The following ITGA9 variants were observed in gnomAD, a reference collection of about 807,000 sequenced individuals.
ITGA9 encodes integrin alpha-9.
ITGA9 carries 56 observed loss-of-function variants against 127.8 expected under a neutral mutation model. The ratio of observed to expected loss-of-function variants is 0.44; its 90% CI spans 0.35 to 0.55. The LOEUF (loss-of-function observed/expected upper bound fraction) is 0.55, where lower values mean the gene tolerates loss of function less well. Ranked by LOEUF, ITGA9 falls within the 20% of genes least tolerant of loss-of-function variation. The pLI is 0.00. For missense variants in ITGA9, 1,196 were observed against 1,347.1 expected, an observed-to-expected ratio of 0.89 and a Z score of 1.76; for synonymous variants, 508 against 514.5, an observed-to-expected ratio of 0.99 and a Z score of 0.17.
intron 18 of ITGA9, among the ~76,000 whole-genome samples, chr3:37,728,945 G>A (rs1696250785): frequency 6.6e-6 from 1 of 152,010 alleles, no homozygotes; most frequent in African/African-American, 2.4e-5. Context: ...GGGAGCTCTG[G>A]AACATTAATT....
In ITGA9 at chr3:37,458,632, T is replaced by G. The variant is rs372364297; in HGVS notation, c.185+6073T>G. On this transcript the variant is annotated intron_variant, in intron 1 of 27. Coordinates refer to ENST00000264741, the MANE Select transcript of ITGA9 (RefSeq NM_002207.3). ...CAGCATGAAGTGACCCACACCTCTG[T>G]GGCTGCCCTGGAGCCTGCCACGCGT... is the stretch of plus-strand genomic sequence containing the variant. 3.3e-5 allele frequency among the ~76,000 whole-genome samples: 5 copies of G among 152,236 alleles called. No homozygotes were observed. In the East Asian group the frequency reaches 9.6e-4, roughly 29 times the overall value.
intron 17 of ITGA9, among the ~76,000 whole-genome samples, chr3:37,668,941 T>G (rs1700611050): frequency 6.6e-6 from 1 of 151,920 alleles, no homozygotes; most frequent in Non-Finnish European, 1.5e-5. Flanking sequence ...GAAGGTACCT[T>G]GTAGAAAACC....
At chr3:37,595,547 C>G (rs1339004516) in intron 15 of ITGA9, among the ~76,000 whole-genome samples, 1 of 152,102 alleles carries the variant, frequency 6.6e-6, no homozygotes, top group Non-Finnish European at 1.5e-5. Flanking sequence ...CTATGTAATC[C>G]CTTTATTTTA....
chr3:37,649,548 A>T (rs1289314989), intron 16 of ITGA9, among the ~76,000 whole-genome samples: 2 of 152,272 alleles, frequency 1.3e-5, no homozygotes, highest in South Asian at 4.1e-4. Flanking sequence ...TGCACCCAGC[A>T]TCAGAGCACC....
chr3:37,655,330 A>G (rs1055613750), intron 17 of ITGA9, among the ~76,000 whole-genome samples: 2 of 152,120 alleles, frequency 1.3e-5, no homozygotes, highest in African/African-American at 4.8e-5. Context: ...AAGCATTCTT[A>G]TTTCTCCACA....
At chr3:37,512,891 C>G (rs568110899) in intron 8 of ITGA9, among the ~76,000 whole-genome samples, 2 of 152,104 alleles carry the variant, frequency 1.3e-5, no homozygotes, top group African/African-American at 4.8e-5. Context: ...TGTTATATCA[C>G]CTGCCTGGAT....
chr3:37,692,408 A>AGTGTGTGTGTGTGT (rs552452929), intron 18 of ITGA9, among the ~76,000 whole-genome samples: 1 of 137,708 alleles, frequency 7.3e-6, no homozygotes, highest in Non-Finnish European at 1.5e-5. Flanking sequence ...TGAGAGAGAG[A>AGTGTGTGTGTGTGT]GAGAGTGTGT....
chr3:37,790,466 G>A (rs1231462724), intron 26 of ITGA9: 1 of 356,206 alleles, frequency 2.8e-6, no homozygotes, highest in Non-Finnish European at 5.6e-6. Flanking sequence ...GATGCCCTCA[G>A]GTTTACGCCA....
intron 4 of ITGA9, among the ~76,000 whole-genome samples, chr3:37,482,794 G>C (rs561247364): frequency 6.6e-6 from 1 of 152,262 alleles, no homozygotes; most frequent in East Asian, 1.9e-4. Flanking sequence ...CCTTCCTTTG[G>C]TTTTTCTTTC....
chr3:37,494,009 C>T (rs1177395016), intron 4 of ITGA9, among the ~76,000 whole-genome samples: 1 of 152,120 alleles, frequency 6.6e-6, no homozygotes, highest in Non-Finnish European at 1.5e-5. Context: ...AGAGCAGTCC[C>T]TTCTTCTTGC....
chr3:37,538,788 T>A, intron 14 of ITGA9, among the ~76,000 whole-genome samples: 1 of 152,226 alleles, frequency 6.6e-6, no homozygotes, highest in East Asian at 1.9e-4. Context: ...TTGTGACTCT[T>A]GCTTTCTTCT....
chr3:37,494,642 C>A (rs994626489), intron 5 of ITGA9, 74 bp downstream of exon 5: 21 of 1,278,096 alleles, frequency 1.6e-5, no homozygotes, highest in Non-Finnish European at 2.4e-5. Context: ...TTTTGGCAAC[C>A]CTTAGAGGTG....
chr3:37,818,896 C>T lies in ITGA9; in HGVS notation c.3015C>T (p.Gly1005=), dbSNP rs1338377174. The T allele has an allele frequency of 1.2e-6, 2 of 1,612,492 alleles. No individual in the cohort carries two copies. Among genetic ancestry groups the T allele is most frequent in the Non-Finnish European group, 1.7e-6 (2 of 1,178,692 alleles). ...LLLAVLLWKM[G]FFRRRYKEII... ...TCTTTCTTTCTGCCTTTCAGATGGGCTTCTTTCGCCGAAGGTACAAAGAAA... is the reference window on the plus strand; with the variant it reads ...TCTTTCTTTCTGCCTTTCAGATGGGTTTCTTTCGCCGAAGGTACAAAGAAA... The change falls in exon 28 of 28, where the codon GGC becomes GGT. Residue 1005 remains glycine, a synonymous_variant. Coordinates refer to ENST00000264741, the MANE Select transcript of ITGA9 (RefSeq NM_002207.3).
intron 23 of ITGA9, among the ~76,000 whole-genome samples, chr3:37,764,610 T>C (rs1344314313): frequency 1.3e-5 from 2 of 152,056 alleles, no homozygotes; most frequent in African/African-American, 4.8e-5. Flanking sequence ...CCAGCCTCCC[T>C]GGACCATGAA....
At chr3:37,784,295 T>C (rs1209728429) in intron 25 of ITGA9, among the ~76,000 whole-genome samples, 1 of 152,200 alleles carries the variant, frequency 6.6e-6, no homozygotes, top group East Asian at 1.9e-4. Flanking sequence ...CATTTTCTGG[T>C]TATCTGGATC....
At chr3:37,731,291 C>G (rs1696289051) in intron 18 of ITGA9, among the ~76,000 whole-genome samples, 1 of 152,104 alleles carries the variant, frequency 6.6e-6, no homozygotes, top group African/African-American at 2.4e-5. Context: ...CATCTCTGCT[C>G]ACTGCAAGCT....
chr3:37,735,042 G>T (rs756210612), intron 19 of ITGA9, among the ~76,000 whole-genome samples: 1 of 152,186 alleles, frequency 6.6e-6, no homozygotes, highest in Admixed American at 6.5e-5. Context: ...CAACCCTGAG[G>T]GTCCTCAGGC....
intron 4 of ITGA9, among the ~76,000 whole-genome samples, chr3:37,488,690 TG>T (rs1698636086): frequency 6.6e-6 from 1 of 151,336 alleles, no homozygotes; most frequent in Admixed American, 6.6e-5. Context: ...CCCAGCTACT[TG>T]GGAGGGTGAG....
chr3:37,705,224 T>A (rs902967531), intron 18 of ITGA9, among the ~76,000 whole-genome samples: 3 of 152,216 alleles, frequency 2.0e-5, no homozygotes, highest in Non-Finnish European at 2.9e-5. Context: ...AGCCAAAAAA[T>A]TTGACCTTAA....
Sources: gnomAD v4.1 joint callset for allele counts (sites outside exome capture counted in the v4.1 genomes callset) on GRCh38, gnomAD v4.1.1 for gene constraint, MANE v1.5 for transcripts, NCBI Gene and HGNC (gene_info 2026-07-23, HGNC 2026-07-21) for gene names.